TMPRSS6: variants seen among roughly 807,000 people sequenced by gnomAD.
The protein encoded by TMPRSS6 is transmembrane serine protease 6, also known as transmembrane protease serine 6.
Under a neutral mutation model 101.5 loss-of-function variants are expected in TMPRSS6, and 67 were observed. That is an observed-to-expected ratio of 0.66 (90% CI 0.54 to 0.81). TMPRSS6 has a LOEUF of 0.81. TMPRSS6 is among the 30% of genes least tolerant of loss of function. The pLI is 0.00. For synonymous variants in TMPRSS6, 453 were observed against 464.9 expected, an observed-to-expected ratio of 0.97 and a Z score of 0.33; for missense variants, 1,034 against 1,088.7, an observed-to-expected ratio of 0.95 and a Z score of 0.71.
rs897873785 is a variant in TMPRSS6, at chr22:37,069,971, G to C, written c.1841+513C>G. Among the ~76,000 whole-genome samples the C allele has an allele frequency of 6.6e-6, 1 of 152,174 alleles. No homozygotes were observed. The highest frequency in any genetic ancestry group is 2.4e-5 in the African/African-American group (1 of 41,432). On this transcript the variant is annotated intron_variant, in intron 15 of 17. Coordinates refer to ENST00000676104, the MANE Select transcript of TMPRSS6 (RefSeq NM_001374504.1). The surrounding 1 kb of genome is among the most constrained non-coding windows in gnomAD (Gnocchi z 4.8). ...AAAGGGGATCCCTGTGCAGGGCCTG[G>C]GGGCGGGATCTGGAGCCCAGATCTG... is the stretch of plus-strand genomic sequence containing the variant.
intron 6 of TMPRSS6, among the ~76,000 whole-genome samples, chr22:37,093,926 A>T (rs979110892): frequency 6.6e-6 from 1 of 151,944 alleles, no homozygotes; most frequent in African/African-American, 2.4e-5. Context: ...AGGAGGCTGA[A>T]GCAGGAGAAT....
chr22:37,097,655 G>A (rs1009319138), intron 3 of TMPRSS6, among the ~76,000 whole-genome samples: 3 of 151,596 alleles, frequency 2.0e-5, no homozygotes, highest in Non-Finnish European at 4.4e-5. Flanking sequence ...AGAGGGGCAG[G>A]AGTGGCCACC....
In TMPRSS6 at chr22:37,069,929, G is replaced by C. The variant is rs149150660; in HGVS notation, c.1841+555C>G. ...GAGCTAGGTGGTCAGAGCGCCCTGC[G>C]TCCCAGAGAGGATACAAAAGGGGAT... On this transcript the variant is annotated intron_variant, in intron 15 of 17. Coordinates refer to ENST00000676104, the MANE Select transcript of TMPRSS6 (RefSeq NM_001374504.1). This position sits in a 1 kb window ranked among gnomAD's most constrained non-coding sequence, Gnocchi z 4.8. Among the ~76,000 whole-genome samples the C allele has an allele frequency of 1.1e-3, 175 of 152,276 alleles. No homozygotes were observed. Among genetic ancestry groups the C allele is most frequent in the Middle Eastern group, 0.01 (3 of 294 alleles).
At chr22:37,100,017 G>A (rs1432761054) in intron 2 of TMPRSS6, among the ~76,000 whole-genome samples, 1 of 151,760 alleles carries the variant, frequency 6.6e-6, no homozygotes, top group African/African-American at 2.4e-5. Context: ...GCCTAGCTTG[G>A]AGTGCAATGG....
At chr22:37,068,305 GTCACTGT>G (rs759230046) in intron 16 of TMPRSS6, among the ~76,000 whole-genome samples, 24 of 152,266 alleles carry the variant, frequency 1.6e-4, no homozygotes, top group Non-Finnish European at 3.2e-4. Context: ...CCTTGGGTAA[GTCACTGT>G]TCCTCTGAGC....
chr22:37,072,277 AT>A (rs1927052589), intron 13 of TMPRSS6, among the ~76,000 whole-genome samples: 1 of 113,738 alleles, frequency 8.8e-6, no homozygotes, highest in African/African-American at 4.2e-5. Flanking sequence ...GGATGGTTGC[AT>A]GGATGGATGG....
At chr22:37,066,763 C>T in intron 17 of TMPRSS6, 63 bp downstream of exon 17, 1 of 1,610,444 alleles carries the variant, frequency 6.2e-7, no homozygotes, top group East Asian at 2.2e-5. Context: ...AAGGGCCAGA[C>T]CCTGGTGATG....
intron 13 of TMPRSS6, among the ~76,000 whole-genome samples, chr22:37,072,851 GATGGATGATGGATGGATGATGC>G (rs1927231113): frequency 6.7e-6 from 1 of 148,944 alleles, no homozygotes; most frequent in Non-Finnish European, 1.5e-5. Flanking sequence ...TGGATGGATG[GATGGATGATGGATGGATGATGC>G]ATGGATGATG....
intron 2 of TMPRSS6, among the ~76,000 whole-genome samples, chr22:37,102,543 G>T (rs1275864572): frequency 6.6e-6 from 1 of 152,214 alleles, no homozygotes; most frequent in Non-Finnish European, 1.5e-5. Flanking sequence ...AATGAACGGA[G>T]GCCTGGATGA....
chr22:37,074,627 A>T lies in TMPRSS6; in HGVS notation c.1424T>A (p.Leu475Gln). The change falls in exon 12 of 18, where the codon CTG becomes CAG. Residue 475 changes from leucine (L) to glutamine (Q), a missense_variant. Physicochemically the swap from Leu to Gln is moderately radical, Grantham distance 113. Transcript: ENST00000676104. The stretch of plus-strand genomic sequence containing the variant: ...TTACTCACCGCAGTTTCTCTCATCC[A>T]GGCCGTTGGGGCAGTCCTTGACCCC... ...CDGVKDCPNGLDERNCVCRAT... is the reference protein window; with the variant it reads ...CDGVKDCPNGQDERNCVCRAT... 6.2e-7 allele frequency: 1 copy of T among 1,614,224 alleles called. No individual in the cohort carries two copies. Among genetic ancestry groups the T allele is most frequent in the Non-Finnish European group, 8.5e-7 (1 of 1,180,026 alleles).
chr22:37,093,330 T>C (rs1929433803), intron 6 of TMPRSS6, among the ~76,000 whole-genome samples: 1 of 151,774 alleles, frequency 6.6e-6, no homozygotes, highest in Admixed American at 6.6e-5. Context: ...AGCACTTCTA[T>C]TGCAGGAGAA....
rs527974649 is a variant in TMPRSS6 at position 37,101,526 on chromosome 22, T to G, written c.202+1690A>C. 6.6e-6 allele frequency among the ~76,000 whole-genome samples: 1 copy of G among 152,182 alleles called. No individual in the cohort carries two copies. Among genetic ancestry groups the G allele is most frequent in the Non-Finnish European group, 1.5e-5 (1 of 67,988 alleles). On this transcript the variant is annotated intron_variant, in intron 2 of 17. Coordinates refer to ENST00000676104, the MANE Select transcript of TMPRSS6 (RefSeq NM_001374504.1). The surrounding 1 kb of genome is among the most constrained non-coding windows in gnomAD (Gnocchi z 4.1). ...CTCCTCTTCCAGACAGGGCAGGGCG[T>G]GTCTCTGATCCACTTCCTTGCCCAG...
chr22:37,087,359 G>A (rs559518703), intron 7 of TMPRSS6, among the ~76,000 whole-genome samples: 1 of 152,346 alleles, frequency 6.6e-6, no homozygotes, highest in East Asian at 1.9e-4. Flanking sequence ...AAGGGGTGCT[G>A]CTGGAGGGAT....
Position 37,069,730 on chromosome 22 carries a change from A to G in TMPRSS6, c.1842-386T>C, listed in dbSNP as rs911272262. 1.3e-5 allele frequency among the ~76,000 whole-genome samples: 2 copies of G among 152,226 alleles called. No homozygotes were observed. The highest frequency in any genetic ancestry group is 6.5e-5 in the Admixed American group (1 of 15,284). ...ATTTCTTTTTTCCTGTGTGCTTTAC[A>G]GACCCAGGCTGCTCTGAATTCCCTG... On this transcript the variant is annotated intron_variant, in intron 15 of 17. Coordinates refer to ENST00000676104, the MANE Select transcript of TMPRSS6 (RefSeq NM_001374504.1). This position sits in a 1 kb window ranked among gnomAD's most constrained non-coding sequence, Gnocchi z 4.8.
intron 16 of TMPRSS6, among the ~76,000 whole-genome samples, 176 bp from the exon 17 acceptor site, chr22:37,067,138 C>T (rs956671706): frequency 6.6e-6 from 1 of 152,208 alleles, no homozygotes; most frequent in African/African-American, 2.4e-5. Flanking sequence ...TATTCTAGCT[C>T]TTTCTCTGTG....
chr22:37,085,076 T>C (rs1394497898), intron 8 of TMPRSS6, among the ~76,000 whole-genome samples: 2 of 152,172 alleles, frequency 1.3e-5, no homozygotes, highest in Non-Finnish European at 2.9e-5. Flanking sequence ...CAGCCTGGCA[T>C]GTAGTAAGTG....
At chr22:37,068,761 C>T in intron 16 of TMPRSS6, 1 of 759,034 alleles carries the variant, frequency 1.3e-6, no homozygotes, top group Non-Finnish European at 2.4e-6. Flanking sequence ...AAGAGCCTTC[C>T]ACCCTTGCAG....
chr22:37,068,620 A>G, intron 16 of TMPRSS6: 1 of 779,692 alleles, frequency 1.3e-6, no homozygotes, highest in Admixed American at 1.7e-5. Context: ...ACTTACAGCA[A>G]CATGTCTCTG....
At chr22:37,074,484 A>C in intron 12 of TMPRSS6, 126 bp downstream of exon 12, 1 of 924,240 alleles carries the variant, frequency 1.1e-6, no homozygotes, top group South Asian at 1.6e-5. Context: ...AGAGAACCCC[A>C]CTTCCTGGGT....
Sources: allele counts gnomAD v4.1 joint callset (sites outside exome capture counted in the v4.1 genomes callset), GRCh38; gene constraint gnomAD v4.1.1; non-coding constraint Gnocchi (gnomAD v3.1); transcripts MANE v1.5; gene names NCBI Gene and HGNC (gene_info 2026-07-23, HGNC 2026-07-21).